Variants in VWDE observed in about 807,000 individuals in gnomAD.
VWDE encodes von Willebrand factor D and EGF domain-containing protein.
VWDE carries 207 observed loss-of-function variants against 178.4 expected under a neutral mutation model. That is an observed-to-expected ratio of 1.16 (90% CI 1.04 to 1.30). VWDE has a LOEUF of 1.30. Among genes scored for constraint, VWDE ranks in the 50% most tolerant of loss-of-function variants. VWDE has a pLI of 0.00. For missense variants in VWDE, 2,287 were observed against 1,901.3 expected (o/e 1.20, Z -3.77); for synonymous variants, 738 against 651.4 (o/e 1.13, Z -2.02).
chr7:12,331,902 TTTC>T (rs1454627036), intron 28 of VWDE, among the ~76,000 whole-genome samples: 3 of 152,138 alleles, frequency 2.0e-5, no homozygotes, highest in African/African-American at 7.2e-5. Context: ...TTTCTCTGTG[TTTC>T]TTGTCTCTAG....
Position 12,369,817 on chromosome 7 carries a change from C to A in VWDE, c.2489G>T (p.Arg830Ile). ...GRLCLAFLGK[R>I]LDSVIEMCVK... Reference sequence around the variant, plus strand: ...ACACATCTCTATAACACTGTCTAATCTCTTGCCAAGAAAAGCAAGACACAG... The same window carrying A: ...ACACATCTCTATAACACTGTCTAATATCTTGCCAAGAAAAGCAAGACACAG... The change falls in exon 12 of 29, where the codon AGA becomes ATA. Residue 830 changes from arginine (R) to isoleucine (I), a missense_variant. By Grantham distance (97) the Arg-to-Ile change is moderately conservative. Transcript: ENST00000275358. 2 of 1,551,540 alleles carry A rather than the reference C, an allele frequency of 1.3e-6. No individual in the cohort carries two copies. The highest frequency in any genetic ancestry group is 8.7e-7 in the Non-Finnish European group (1 of 1,146,896).
chr7:12,357,192 G>C (rs201804161), intron 17 of VWDE, 73 bp downstream of exon 17: 13 of 1,481,068 alleles, frequency 8.8e-6, no homozygotes, highest in Middle Eastern at 1.8e-4. Context: ...AATATGGCTT[G>C]TATTTTAAAT....
At chr7:12,385,089 G>A (rs1784033821) in intron 3 of VWDE, among the ~76,000 whole-genome samples, 1 of 151,906 alleles carries the variant, frequency 6.6e-6, no homozygotes, top group South Asian at 2.1e-4. Context: ...GAATTGCTTT[G>A]ATTACAATTA....
chr7:12,377,043 A>G (rs537282109), intron 7 of VWDE, among the ~76,000 whole-genome samples: 1 of 152,282 alleles, frequency 6.6e-6, no homozygotes, highest in South Asian at 2.1e-4. Flanking sequence ...TGGTATGCCA[A>G]TGAAATTGTA....
intron 1 of VWDE, among the ~76,000 whole-genome samples, chr7:12,400,833 G>C (rs1209713464): frequency 6.6e-6 from 1 of 151,974 alleles, no homozygotes; most frequent in African/African-American, 2.4e-5. Context: ...ACAGAATCCA[G>C]GAACATAAAG....
intron 19 of VWDE, among the ~76,000 whole-genome samples, chr7:12,346,535 A>G (rs931739775): frequency 2.0e-5 from 3 of 151,156 alleles, no homozygotes; most frequent in Non-Finnish European, 4.4e-5. Context: ...AATTTTACAA[A>G]TGTGATAAAA....
At chr7:12,389,030 T>G (rs1784241217) in intron 3 of VWDE, 97 bp downstream of exon 3, 4 of 889,660 alleles carry the variant, frequency 4.5e-6, no homozygotes, top group Non-Finnish European at 7.3e-6. Context: ...AGTATCTTAC[T>G]GAGATTTGCA....
chr7:12,362,610 T>G (rs1399679694), intron 13 of VWDE, among the ~76,000 whole-genome samples: 3 of 152,104 alleles, frequency 2.0e-5, no homozygotes, highest in Admixed American at 2.0e-4. Context: ...TCTTTGAAAC[T>G]TATTACTGTC....
intron 4 of VWDE, among the ~76,000 whole-genome samples, chr7:12,381,046 G>C (rs1783827771): frequency 6.6e-6 from 1 of 152,052 alleles, no homozygotes; most frequent in Non-Finnish European, 1.5e-5. Context: ...TCTAAAAGAT[G>C]GAACAAACAA....
intron 13 of VWDE, 70 bp from the exon 14 acceptor site, chr7:12,361,591 T>A (rs1287301161): frequency 4.4e-6 from 6 of 1,369,892 alleles, no homozygotes; most frequent in Admixed American, 3.0e-5. Flanking sequence ...AAATTACATA[T>A]AATGAAAACA....
chr7:12,331,257 C>A, intron 28 of VWDE, 60 bp from the exon 29 acceptor site: 1 of 1,448,316 alleles, frequency 6.9e-7, no homozygotes, highest in Non-Finnish European at 9.4e-7. Flanking sequence ...TTAACCCTTA[C>A]TCATTATTTG....
intron 16 of VWDE, among the ~76,000 whole-genome samples, 184 bp from the exon 17 acceptor site, chr7:12,357,699 A>T (rs2128552302): frequency 1.3e-5 from 2 of 152,112 alleles, no homozygotes; most frequent in South Asian, 4.2e-4. Context: ...GACACATGAA[A>T]GTAACTGACA....
In VWDE at chr7:12,370,492, CT is replaced by C; in HGVS notation, c.1813del (p.Ser605AlafsTer10). On this transcript the variant is annotated frameshift_variant, in exon 12 of 29. Coordinates refer to ENST00000275358, the MANE Select transcript of VWDE (RefSeq NM_001135924.3). LOFTEE classifies it high-confidence loss of function. ...AGAAACTGGCAGTGTGTCAGACATG[CT>C]TTTTCCTGGTAAAATCCTTCCAGAT... ...INEWRILPGK[S>X]MSDTLPVSMT... is the part of the protein sequence containing the mutation. 1 of 1,537,320 alleles carries C rather than the reference CT, an allele frequency of 6.5e-7. No individual in the cohort carries two copies. The highest frequency in any genetic ancestry group is 1.2e-5 in the South Asian group (1 of 83,328).
At chr7:12,377,528 G>A (rs1411613613) in intron 7 of VWDE, 7 of 273,406 alleles carry the variant, frequency 2.6e-5, no homozygotes, top group Admixed American at 5.3e-5. Flanking sequence ...AGATGATGAC[G>A]AAGAGGAGAT....
chr7:12,377,749 T>A, intron 7 of VWDE, 27 bp downstream of exon 7: 1 of 1,336,750 alleles, frequency 7.5e-7, no homozygotes, highest in Non-Finnish European at 9.9e-7. Flanking sequence ...AATCTAATAA[T>A]AAGATAAAAT....
intron 26 of VWDE, 57 bp from the exon 27 acceptor site, chr7:12,336,293 A>C: frequency 7.1e-7 from 1 of 1,409,022 alleles, no homozygotes; most frequent in African/African-American, 1.4e-5. Flanking sequence ...AATCCTATCC[A>C]TAACCCACAA....
Position 12,367,505 on chromosome 7 carries a change from A to G in VWDE, c.2762-12T>C, listed in dbSNP as rs1782928235. 22 of 1,486,976 alleles carry G rather than the reference A, an allele frequency of 1.5e-5. No homozygotes were observed. The highest frequency in any genetic ancestry group is 2.0e-5 in the Non-Finnish European group (22 of 1,119,548). The allele number at this position is 1,486,976 out of a possible 1,614,324, so 92.1% of individuals were successfully genotyped here. The stretch of plus-strand genomic sequence containing the variant: ...TTCAGGAGCTTTGTCTTTGGAAAAA[A>G]AATATAACAAATACTACATATTTTA... On this transcript the variant is annotated splice_polypyrimidine_tract_variant and intron_variant, in intron 12 of 28. Transcript: ENST00000275358.
At position 12,370,658 on chromosome 7, in the gene VWDE, C is replaced by G; in HGVS notation, c.1794G>C (p.Trp598Cys). The G allele has an allele frequency of 6.4e-7, 1 of 1,550,476 alleles. No individual in the cohort carries two copies. The highest frequency in any genetic ancestry group is 8.7e-7 in the Non-Finnish European group (1 of 1,146,440). ...FNNYVAFINEWRILPGKSMSD... is the reference protein window; with the variant it reads ...FNNYVAFINECRILPGKSMSD... ...CAAGTGGAAAAATAGTGTCTTACCT[C>G]CATTCATTAATAAAAGCAACATAAT... Residue 598 changes from tryptophan to cysteine, a missense_variant and splice_region_variant, in exon 11 of 29, where the codon TGG becomes TGC. Coordinates refer to ENST00000275358, the MANE Select transcript of VWDE (RefSeq NM_001135924.3).
intron 9 of VWDE, 99 bp downstream of exon 9, chr7:12,374,590 A>C (rs1783404659): frequency 1.3e-6 from 1 of 797,844 alleles, no homozygotes; most frequent in African/African-American, 1.8e-5. Context: ...AATTTCAGTG[A>C]CTAGGACTAA....
Sources: allele counts gnomAD v4.1 joint callset (sites outside exome capture counted in the v4.1 genomes callset), GRCh38; gene constraint gnomAD v4.1.1; transcripts MANE v1.5; gene names NCBI Gene and HGNC (gene_info 2026-07-23, HGNC 2026-07-21).